POFUT4: variants seen among roughly 807,000 people sequenced by gnomAD.
POFUT4 encodes the protein protein O-fucosyltransferase 4.
chr10:73,778,182 A>C, the POFUT4 span, among the ~76,000 whole-genome samples: 1 of 143,960 alleles, frequency 6.9e-6, no homozygotes, highest in Admixed American at 6.9e-5. Context: ...TTTTTGATGG[A>C]GCCCACTCAA....
the POFUT4 span, chr10:73,776,149 A>T: frequency 6.5e-6 from 1 of 153,798 alleles, no homozygotes; most frequent in Non-Finnish European, 1.4e-5. Flanking sequence ...GTGGAGAAGC[A>T]AAACATTTGG....
the POFUT4 span, chr10:73,779,837 G>A: frequency 6.6e-6 from 1 of 152,326 alleles, no homozygotes; most frequent in East Asian, 1.9e-4. Flanking sequence ...TACGTATAAA[G>A]TGGGCAGTTG....
the POFUT4 span, chr10:73,773,271 G>A: frequency 6.2e-7 from 1 of 1,614,104 alleles, no homozygotes; most frequent in Non-Finnish European, 8.5e-7. Flanking sequence ...CACCACCGAG[G>A]ATCCAGAGCT....
At chr10:73,780,054 T>C in the POFUT4 span, 19,863 of 152,242 alleles carry the variant, frequency 0.13, 1,371 homozygotes, top group South Asian at 0.2. Context: ...GCAAGCAACA[T>C]GAATCTTCTG....
chr10:73,772,904 C>T, the POFUT4 span: 2 of 1,611,486 alleles, frequency 1.2e-6, no homozygotes, highest in Non-Finnish European at 1.7e-6. Flanking sequence ...CGCCTATCTG[C>T]GCCGCCCGGT....
At chr10:73,772,629 C>G in the POFUT4 span, 72 of 1,557,418 alleles carry the variant, frequency 4.6e-5, no homozygotes, top group Non-Finnish European at 6.2e-5. Flanking sequence ...ATCGAGTGTG[C>G]GCGCGGCGCG....
At chr10:73,772,785 TCAA>T in the POFUT4 span, 1 of 1,610,890 alleles carries the variant, frequency 6.2e-7, no homozygotes, top group Non-Finnish European at 8.5e-7. Flanking sequence ...GAGTCGCCCC[TCAA>T]CAACTTCTTG....
At chr10:73,775,134 A>G in the POFUT4 span, 1 of 443,910 alleles carries the variant, frequency 2.3e-6, no homozygotes, top group African/African-American at 1.9e-5. Context: ...ACTGGATGCT[A>G]CTTCATTTTG....
chr10:73,773,610 GA>G, the POFUT4 span: 2 of 1,614,272 alleles, frequency 1.2e-6, no homozygotes, highest in South Asian at 2.2e-5. Flanking sequence ...GGGAGTGAAT[GA>G]TCCTTTGCTG....
the POFUT4 span, chr10:73,775,833 C>T: frequency 2.4e-6 from 2 of 826,036 alleles, no homozygotes; most frequent in Non-Finnish European, 3.8e-6. Flanking sequence ...AAGATTTTAT[C>T]TTAATGATGA....
chr10:73,773,200 A>G, the POFUT4 span: 27 of 1,610,166 alleles, frequency 1.7e-5, no homozygotes, highest in Non-Finnish European at 2.2e-5. Flanking sequence ...GTAGACTCCT[A>G]CGGGAAATGC....
the POFUT4 span, chr10:73,772,974 T>C: frequency 1.2e-6 from 2 of 1,602,952 alleles, no homozygotes; most frequent in Non-Finnish European, 1.7e-6. Context: ...CTGCTCTATC[T>C]GCAGTCACAC....
the POFUT4 span, chr10:73,772,696 C>T: frequency 2.4e-4 from 373 of 1,575,706 alleles, 5 homozygotes; most frequent in East Asian, 7.3e-3. Flanking sequence ...GCGCGCTGCT[C>T]TTCTACGGCA....
At chr10:73,776,689 A>G in the POFUT4 span, among the ~76,000 whole-genome samples, 1 of 152,100 alleles carries the variant, frequency 6.6e-6, no homozygotes, top group Admixed American at 6.6e-5. Flanking sequence ...CTCAAATTAT[A>G]TATATATATT....
the POFUT4 span, chr10:73,773,652 G>C: frequency 1.9e-6 from 3 of 1,614,238 alleles, no homozygotes; most frequent in Non-Finnish European, 2.5e-6. Context: ...CGAGTGTTTC[G>C]TCTGTGACTA....
At chr10:73,772,283 C>T in the POFUT4 span, 4 of 1,363,974 alleles carry the variant, frequency 2.9e-6, no homozygotes, top group South Asian at 3.4e-5. Context: ...CACGACTATC[C>T]GCTGGGCGGG....
the POFUT4 span, chr10:73,775,488 G>A: frequency 1.9e-6 from 3 of 1,614,144 alleles, no homozygotes; most frequent in Non-Finnish European, 2.5e-6. Flanking sequence ...AAAAAGGCAG[G>A]ACTCATAACT....
At chr10:73,776,508 C>G in the POFUT4 span, among the ~76,000 whole-genome samples, 2 of 151,740 alleles carry the variant, frequency 1.3e-5, no homozygotes, top group African/African-American at 4.8e-5. Context: ...CCTAGCAAGA[C>G]CTTGTCTCTA....
At chr10:73,773,087 G>A in the POFUT4 span, 4 of 1,534,204 alleles carry the variant, frequency 2.6e-6, no homozygotes, top group African/African-American at 4.1e-5. Context: ...AGGGCGGGTT[G>A]AGGCCAGGAC....
Sources: gnomAD v4.1 joint callset for allele counts (sites outside exome capture counted in the v4.1 genomes callset) on GRCh38, gnomAD v4.1.1 for gene constraint, MANE v1.5 for transcripts, NCBI Gene and HGNC (gene_info 2026-07-23, HGNC 2026-07-21) for gene names.